The following ARL5A variants were observed in gnomAD, a reference collection of about 807,000 sequenced individuals.
ARL5A encodes ARF like GTPase 5A.
In ARL5A, 18 loss-of-function variants were observed where a neutral mutation model predicts 25.9. The ratio of observed to expected loss-of-function variants is 0.69; its 90% CI spans 0.48 to 1.03. ARL5A has a LOEUF of 1.03. Ranked by LOEUF, ARL5A falls within the 50% of genes least tolerant of loss-of-function variation. The pLI is 0.00. For missense variants in ARL5A, 170 were observed against 211.9 expected (o/e 0.80, Z 1.23); for synonymous variants, 61 against 67.5 (o/e 0.90, Z 0.47).
At chr2:151,808,869 G>A (rs1322402746) in intron 4 of ARL5A, among the ~76,000 whole-genome samples, 1 of 152,112 alleles carries the variant, frequency 6.6e-6, no homozygotes, top group African/African-American at 2.4e-5. Context: ...CCAACAGGGC[G>A]AAACCCCGTT....
At chr2:151,803,483 A>G (rs2099829694) in intron 5 of ARL5A, among the ~76,000 whole-genome samples, 159 bp from the exon 6 acceptor site, 2 of 152,338 alleles carry the variant, frequency 1.3e-5, no homozygotes, top group Admixed American at 6.5e-5. Context: ...CAGTGAAGCC[A>G]TATTCTCATA....
chr2:151,806,916 GCATTCTTTAA>G lies in ARL5A; in HGVS notation c.386_395del (p.Val129AlafsTer2). On this transcript the variant is annotated frameshift_variant, in exon 5 of 6. Coordinates refer to ENST00000295087, the MANE Select transcript of ARL5A (RefSeq NM_012097.4). LOFTEE classifies it high-confidence loss of function. The stretch of plus-strand genomic sequence containing the variant: ...ACTGGGAGATTTCTGCTACAGTCAT[GCATTCTTTAA>G]CATCTTGTTTATTAGCAAAAATCAG... 6.2e-7 allele frequency: 1 copy of G among 1,613,202 alleles called. No individual in the cohort carries two copies. The highest frequency in any genetic ancestry group is 8.5e-7 in the Non-Finnish European group (1 of 1,179,582).
Position 151,828,189 on chromosome 2 carries a change from G to GA in ARL5A, c.-14dup. 2 of 1,488,292 alleles carry GA rather than the reference G, an allele frequency of 1.3e-6. No homozygotes were observed. Among genetic ancestry groups the GA allele is most frequent in the Non-Finnish European group, 1.8e-6 (2 of 1,113,270 alleles). The allele number at this position is 1,488,292 out of a possible 1,614,324, so 92.2% of individuals were successfully genotyped here. Reference sequence around the variant, plus strand: ...AGAGAATTCCCATTCTCGGGCAGCGGACCCCCCCCCTCCAGACACCCGGGC... The same window carrying GA: ...AGAGAATTCCCATTCTCGGGCAGCGGAACCCCCCCCCTCCAGACACCCGGGC... On this transcript the variant is annotated 5_prime_UTR_variant, in exon 1 of 6. Transcript: ENST00000295087.
intron 1 of ARL5A, among the ~76,000 whole-genome samples, chr2:151,822,143 G>A (rs1319040482): frequency 3.3e-5 from 5 of 151,826 alleles, no homozygotes; most frequent in Admixed American, 6.6e-5. Context: ...CCACCTGCAC[G>A]TGAATCATCA....
At chr2:151,814,918 A>C (rs1161867156) in intron 2 of ARL5A, among the ~76,000 whole-genome samples, 1 of 152,086 alleles carries the variant, frequency 6.6e-6, no homozygotes, top group Non-Finnish European at 1.5e-5. Flanking sequence ...TTAGCACAAA[A>C]CAAGTGGACA....
At chr2:151,814,988 C>T (rs990587446) in intron 2 of ARL5A, 151 bp downstream of exon 2, 1 of 637,878 alleles carries the variant, frequency 1.6e-6, no homozygotes. Flanking sequence ...CTAACTATTG[C>T]TGAGATCTGG....
chr2:151,826,635 C>T (rs1012139608), intron 1 of ARL5A, among the ~76,000 whole-genome samples: 1 of 152,188 alleles, frequency 6.6e-6, no homozygotes, highest in Non-Finnish European at 1.5e-5. Flanking sequence ...TAGATCTTAT[C>T]TACTATAAGT....
At chr2:151,815,458 C>T (rs1310916245) in intron 1 of ARL5A, among the ~76,000 whole-genome samples, 3 of 152,214 alleles carry the variant, frequency 2.0e-5, no homozygotes, top group Non-Finnish European at 4.4e-5. Flanking sequence ...CATGGCACTA[C>T]ATTTCCTCTA....
In ARL5A at chr2:151,812,323, C is replaced by T. The variant is rs1473673399; in HGVS notation, c.339+34G>A. ...ACAAAGTATCGATTCCCATACCCTTCCCCATATCTAATGTAAAAAGACTAC... is the reference window on the plus strand; with the variant it reads ...ACAAAGTATCGATTCCCATACCCTTTCCCATATCTAATGTAAAAAGACTAC... On this transcript the variant is annotated intron_variant, in intron 4 of 5. Coordinates refer to ENST00000295087, the MANE Select transcript of ARL5A (RefSeq NM_012097.4). The T allele has an allele frequency of 2.1e-6, 3 of 1,409,454 alleles. No homozygotes were observed. The South Asian group carries it at 3.8e-5, about 18-fold the overall frequency. 87.3% of individuals were successfully genotyped at this position (1,409,454 alleles called of 1,614,324 possible).
chr2:151,805,517 CAG>C (rs1226991016), intron 5 of ARL5A, among the ~76,000 whole-genome samples: 3 of 152,156 alleles, frequency 2.0e-5, no homozygotes, highest in Non-Finnish European at 4.4e-5. Context: ...CATTTAATGA[CAG>C]GGATACATTC....
intron 4 of ARL5A, chr2:151,810,233 G>C (rs1315961869): frequency 6.6e-6 from 1 of 152,586 alleles, no homozygotes; most frequent in Non-Finnish European, 1.5e-5. Context: ...ATAAAACTTT[G>C]AAAATTATTT....
intron 1 of ARL5A, among the ~76,000 whole-genome samples, chr2:151,820,539 G>A (rs1241704731): frequency 1.3e-5 from 2 of 151,098 alleles, no homozygotes; most frequent in African/African-American, 2.4e-5. Context: ...ACACACTTGT[G>A]GTCCCAGCTA....
intron 5 of ARL5A, 105 bp downstream of exon 5, chr2:151,806,716 G>T: frequency 1.7e-6 from 2 of 1,167,842 alleles, no homozygotes; most frequent in East Asian, 2.6e-5. Flanking sequence ...TGTCCCTTAC[G>T]ATGTTTTATA....
intron 1 of ARL5A, among the ~76,000 whole-genome samples, chr2:151,825,885 G>A (rs2099832990): frequency 6.6e-6 from 1 of 151,742 alleles, no homozygotes; most frequent in Non-Finnish European, 1.5e-5. Context: ...AGCACTTTGG[G>A]AGCCCAAGGC....
At chr2:151,826,307 T>C (rs2099833048) in intron 1 of ARL5A, among the ~76,000 whole-genome samples, 1 of 152,224 alleles carries the variant, frequency 6.6e-6, no homozygotes, top group South Asian at 2.1e-4. Flanking sequence ...TCTCTATTAA[T>C]TTCCGCCAAA....
Position 151,828,134 on chromosome 2 carries a change from G to C in ARL5A, c.43C>G (p.Gln15Glu), listed in dbSNP as rs751016607. Reference protein sequence around the residue: ...FTRIWRLFNHQEHKVIIVGLD... With the variant: ...FTRIWRLFNHEEHKVIIVGLD... Reference sequence around the variant, plus strand: ...GCCCGCGGACCGAGCTCCTCACCCTGGTGATTGAACAGTCTCCATATTCTA... The same window carrying C: ...GCCCGCGGACCGAGCTCCTCACCCTCGTGATTGAACAGTCTCCATATTCTA... The change falls in exon 1 of 6, where the codon CAG becomes GAG. Residue 15 changes from glutamine (Q) to glutamate (E), a missense_variant. Transcript: ENST00000295087. The C allele has an allele frequency of 6.2e-7, 1 of 1,610,158 alleles. No homozygotes were observed. Among genetic ancestry groups the C allele is most frequent in the Non-Finnish European group, 8.5e-7 (1 of 1,178,172 alleles).
chr2:151,803,341 A>G lies in ARL5A; in HGVS notation c.492-17T>C. ...TGGCACAATCTATAAAGAAAACAAAATCATTTGATTAAATTCTGAACTAAG... is the reference window on the plus strand; with the variant it reads ...TGGCACAATCTATAAAGAAAACAAAGTCATTTGATTAAATTCTGAACTAAG... On this transcript the variant is annotated splice_polypyrimidine_tract_variant and intron_variant, in intron 5 of 5. Transcript: ENST00000295087. The G allele has an allele frequency of 3.7e-6, 6 of 1,603,626 alleles. No individual in the cohort carries two copies. The highest frequency in any genetic ancestry group is 5.1e-6 in the Non-Finnish European group (6 of 1,170,896).
intron 5 of ARL5A, among the ~76,000 whole-genome samples, chr2:151,804,367 G>T (rs547830867): frequency 1.3e-4 from 20 of 152,252 alleles, no homozygotes; most frequent in African/African-American, 4.8e-4. Context: ...ATGAAGAACT[G>T]TTATAAGTAT....
At chr2:151,803,852 A>C (rs2099829748) in intron 5 of ARL5A, among the ~76,000 whole-genome samples, 1 of 152,188 alleles carries the variant, frequency 6.6e-6, no homozygotes, top group African/African-American at 2.4e-5. Context: ...CCTTTTTTCT[A>C]CTTCTAGAAA....
Sources: gnomAD v4.1 joint callset for allele counts (sites outside exome capture counted in the v4.1 genomes callset) on GRCh38, gnomAD v4.1.1 for gene constraint, MANE v1.5 for transcripts, NCBI Gene and HGNC (gene_info 2026-07-23, HGNC 2026-07-21) for gene names.